EGFR: variants seen among roughly 807,000 people sequenced by gnomAD.
The protein encoded by EGFR is avian erythroblastic leukemia viral (v-erb-b) oncogene homolog.
Under a neutral mutation model 143.0 loss-of-function variants are expected in EGFR, and 58 were observed. The ratio of observed to expected loss-of-function variants is 0.41; its 90% CI spans 0.33 to 0.50. The LOEUF (loss-of-function observed/expected upper bound fraction) is 0.50. EGFR is among the 20% of genes least tolerant of loss of function. EGFR has a pLI of 0.39. For synonymous variants in EGFR, 613 were observed against 594.4 expected, an observed-to-expected ratio of 1.03 and a Z score of -0.45; for missense variants, 1,307 against 1,579.0, an observed-to-expected ratio of 0.83 and a Z score of 2.92.
intron 1 of EGFR, among the ~76,000 whole-genome samples, chr7:55,109,148 A>G (rs1442062290): frequency 2.0e-5 from 3 of 152,260 alleles, no homozygotes; most frequent in African/African-American, 7.2e-5. Context: ...TAAATTCCCA[A>G]ACCTTGAACA....
Position 55,102,547 on chromosome 7 carries a change from C to G in EGFR, c.89-39739C>G, listed in dbSNP as rs977474867. 1.6e-4 allele frequency among the ~76,000 whole-genome samples: 24 copies of G among 152,220 alleles called. No individual in the cohort carries two copies. The South Asian group carries it at 2.1e-3, about 13-fold the overall frequency. On this transcript the variant is annotated intron_variant, in intron 1 of 27. Transcript: ENST00000275493. ...TCTGCTGCTTCTTGGTGGCCCAGCT[C>G]GTCAAAAGAATAAGATTTCAGCAAA...
At chr7:55,047,958 A>G (rs1562667580) in intron 1 of EGFR, among the ~76,000 whole-genome samples, 3 of 152,186 alleles carry the variant, frequency 2.0e-5, no homozygotes. Flanking sequence ...ATTCAGTTTC[A>G]CATATAAATA....
chr7:55,203,807 CAT>C (rs757877863), intron 27 of EGFR, among the ~76,000 whole-genome samples: 53 of 151,560 alleles, frequency 3.5e-4, no homozygotes, highest in African/African-American at 1.1e-3. Flanking sequence ...CCCACACACA[CAT>C]GTATAAAGAT....
At chr7:55,072,901 A>G (rs374077963) in intron 1 of EGFR, among the ~76,000 whole-genome samples, 30 of 152,206 alleles carry the variant, frequency 2.0e-4, no homozygotes, top group East Asian at 1.3e-3. Context: ...TTTTAGGTAC[A>G]TGATTACAGT....
At chr7:55,039,445 G>A (rs1034984198) in intron 1 of EGFR, among the ~76,000 whole-genome samples, 4 of 152,132 alleles carry the variant, frequency 2.6e-5, no homozygotes, top group East Asian at 1.9e-4. Context: ...GACCTTTAAC[G>A]CCCATATCTG....
chr7:55,160,482 G>A, intron 12 of EGFR, 144 bp downstream of exon 12: 1 of 890,018 alleles, frequency 1.1e-6, no homozygotes, highest in Non-Finnish European at 1.7e-6. Context: ...ATTCCTAACT[G>A]TGAAATTACC....
chr7:55,116,436 G>A (rs115911275), intron 1 of EGFR, among the ~76,000 whole-genome samples: 19 of 152,298 alleles, frequency 1.2e-4, no homozygotes, highest in African/African-American at 4.6e-4. Context: ...GTTCCTGACT[G>A]GGAATTCGAT....
At chr7:55,163,686 A>G (rs770253429) in intron 13 of EGFR, 47 bp from the exon 14 acceptor site, 24 of 1,537,398 alleles carry the variant, frequency 1.6e-5, no homozygotes, top group Admixed American at 5.0e-5. Flanking sequence ...TGTTCCTGCA[A>G]TAATGTCTCA....
chr7:55,193,071 G>C (rs1433786474), intron 22 of EGFR, among the ~76,000 whole-genome samples: 5 of 152,066 alleles, frequency 3.3e-5, no homozygotes, highest in Non-Finnish European at 5.9e-5. Context: ...CGTCTGGCAG[G>C]GTGGGGGGTA....
At chr7:55,106,409 C>T (rs1792136241) in intron 1 of EGFR, among the ~76,000 whole-genome samples, 1 of 152,260 alleles carries the variant, frequency 6.6e-6, no homozygotes, top group Non-Finnish European at 1.5e-5. Context: ...GGCAAGCCCA[C>T]CTTTTCCCTT....
chr7:55,134,117 T>A lies in EGFR; in HGVS notation c.89-8169T>A, dbSNP rs143022333. On this transcript the variant is annotated intron_variant, in intron 1 of 27. Coordinates refer to ENST00000275493, the MANE Select transcript of EGFR (RefSeq NM_005228.5). ...ATCCTGTCCTTTCTCCAATGTCCCCTGCTCAGGAGTCAGGACTCAGCAAGG... is the reference window on the plus strand; with the variant it reads ...ATCCTGTCCTTTCTCCAATGTCCCCAGCTCAGGAGTCAGGACTCAGCAAGG... Among the ~76,000 whole-genome samples, 122 of 152,274 alleles carry A rather than the reference T, an allele frequency of 8.0e-4. 1 individual carries two copies. The highest frequency in any genetic ancestry group is 2.7e-3 in the African/African-American group (114 of 41,548).
At chr7:55,185,907 T>G (rs1308834641) in intron 20 of EGFR, among the ~76,000 whole-genome samples, 1 of 152,230 alleles carries the variant, frequency 6.6e-6, no homozygotes, top group Non-Finnish European at 1.5e-5. Context: ...CGTGGGCTAC[T>G]TAATTTGGTC....
chr7:55,174,891 A>C (rs547063421), intron 19 of EGFR, 71 bp downstream of exon 19: 1 of 1,222,180 alleles, frequency 8.2e-7, no homozygotes, highest in East Asian at 2.3e-5. Flanking sequence ...CATGTCTGGC[A>C]GCTGCTCTGC....
intron 21 of EGFR, among the ~76,000 whole-genome samples, 174 bp downstream of exon 21, chr7:55,192,048 G>A (rs1787420146): frequency 6.6e-6 from 1 of 152,176 alleles, no homozygotes; most frequent in Admixed American, 6.5e-5. Flanking sequence ...CTGGTAGTGT[G>A]AGCCAGAGCT....
intron 1 of EGFR, among the ~76,000 whole-genome samples, chr7:55,019,880 C>G (rs894755387): frequency 3.3e-5 from 5 of 152,206 alleles, no homozygotes; most frequent in African/African-American, 7.2e-5. Flanking sequence ...ACAGCCTCCC[C>G]TCGGACCCCG....
At chr7:55,147,395 C>G (rs940921791) in intron 4 of EGFR, among the ~76,000 whole-genome samples, 3 of 152,120 alleles carry the variant, frequency 2.0e-5, no homozygotes, top group Admixed American at 6.5e-5. Context: ...GGGCTGCGCC[C>G]GTTCCTGATC....
intron 1 of EGFR, among the ~76,000 whole-genome samples, chr7:55,121,853 C>T (rs17289477): frequency 8.3e-4 from 127 of 152,282 alleles, no homozygotes; most frequent in Middle Eastern, 3.4e-3. Flanking sequence ...GGCCTCTGTG[C>T]GACAGTGACC....
chr7:55,122,273 T>A (rs771514899), intron 1 of EGFR, among the ~76,000 whole-genome samples: 1 of 152,182 alleles, frequency 6.6e-6, no homozygotes, highest in African/African-American at 2.4e-5. Flanking sequence ...ACCTGGCAGC[T>A]CCCATCTGGT....
At chr7:55,121,228 T>G (rs1305146801) in intron 1 of EGFR, among the ~76,000 whole-genome samples, 4 of 152,220 alleles carry the variant, frequency 2.6e-5, no homozygotes, top group African/African-American at 9.6e-5. Flanking sequence ...ATACATAGAT[T>G]GAGGGATAAA....
Sources: gnomAD v4.1 joint callset for allele counts (sites outside exome capture counted in the v4.1 genomes callset) on GRCh38, gnomAD v4.1.1 for gene constraint, MANE v1.5 for transcripts, NCBI Gene and HGNC (gene_info 2026-07-23, HGNC 2026-07-21) for gene names.